MYOF: variants seen among roughly 807,000 people sequenced by gnomAD.
MYOF encodes myoferlin.
A neutral mutation model predicts 284.2 loss-of-function variants in MYOF; 244 were observed. The observed-to-expected ratio is 0.86, with a 90% CI of 0.77 to 0.95. The LOEUF is 0.95. Ranked by LOEUF, MYOF falls within the 40% of genes least tolerant of loss-of-function variation. The pLI is 0.00. For synonymous variants in MYOF, 904 were observed against 919.7 expected (o/e 0.98, Z 0.31); for missense variants, 2,496 against 2,560.6 (o/e 0.97, Z 0.54).
At chr10:93,408,485 C>T (rs1282597453) in intron 7 of MYOF, among the ~76,000 whole-genome samples, 3 of 150,588 alleles carry the variant, frequency 2.0e-5, no homozygotes, top group African/African-American at 4.9e-5. Flanking sequence ...TGCAGTGAGC[C>T]GAGATCACGC....
intron 48 of MYOF, among the ~76,000 whole-genome samples, chr10:93,321,002 G>T (rs1375076211): frequency 7.9e-5 from 12 of 152,122 alleles, no homozygotes; most frequent in African/African-American, 2.9e-4. Context: ...AGACAGAAAA[G>T]ATTATGGTTT....
At chr10:93,376,995 G>A (rs184458043) in intron 22 of MYOF, among the ~76,000 whole-genome samples, 99 of 152,258 alleles carry the variant, frequency 6.5e-4, no homozygotes, top group African/African-American at 2.2e-3. Context: ...CAGGGTGGGG[G>A]TCATTCTTGG....
chr10:93,478,590 G>A (rs1034122605), intron 1 of MYOF, among the ~76,000 whole-genome samples: 4 of 151,764 alleles, frequency 2.6e-5, no homozygotes, highest in African/African-American at 9.7e-5. Flanking sequence ...CAATACTTTG[G>A]GAGGCCAAGC....
chr10:93,339,633 T>C (rs546976160), intron 39 of MYOF, among the ~76,000 whole-genome samples: 24 of 151,970 alleles, frequency 1.6e-4, no homozygotes, highest in African/African-American at 5.5e-4. Flanking sequence ...CCACGCCTGG[T>C]GAATGTTTGT....
intron 53 of MYOF, among the ~76,000 whole-genome samples, chr10:93,308,807 G>T (rs1332168349): frequency 1.3e-5 from 2 of 151,862 alleles, no homozygotes; most frequent in Non-Finnish European, 2.9e-5. Context: ...CGCCTCCCAG[G>T]TTCAAGCAAT....
chr10:93,429,264 C>G (rs903810836), intron 4 of MYOF, among the ~76,000 whole-genome samples: 1 of 152,172 alleles, frequency 6.6e-6, no homozygotes, highest in Non-Finnish European at 1.5e-5. Context: ...CACCTTCCCC[C>G]ACGAGTAAAA....
At chr10:93,445,501 G>C (rs150990624) in intron 3 of MYOF, among the ~76,000 whole-genome samples, 17 of 152,318 alleles carry the variant, frequency 1.1e-4, no homozygotes, top group Non-Finnish European at 1.9e-4. Flanking sequence ...TGTTCCTTAT[G>C]TGACCAAGAG....
intron 3 of MYOF, among the ~76,000 whole-genome samples, chr10:93,437,997 AGT>A (rs1849205290): frequency 6.6e-6 from 1 of 152,164 alleles, no homozygotes; most frequent in Admixed American, 6.5e-5. Context: ...TATGAAATCC[AGT>A]GTTAGCAGAG....
At chr10:93,426,655 G>A (rs111487052) in intron 4 of MYOF, among the ~76,000 whole-genome samples, 3 of 152,254 alleles carry the variant, frequency 2.0e-5, no homozygotes, top group African/African-American at 7.2e-5. Flanking sequence ...TTGGGAGGCC[G>A]AAGCGGGTGG....
At chr10:93,367,467 A>G (rs1014604360) in intron 25 of MYOF, among the ~76,000 whole-genome samples, 3 of 152,218 alleles carry the variant, frequency 2.0e-5, no homozygotes, top group Non-Finnish European at 4.4e-5. Flanking sequence ...AGAGGACACA[A>G]TGGTGCTTAT....
At chr10:93,342,007 A>C (rs979556830) in intron 38 of MYOF, 1 of 1,270,198 alleles carries the variant, frequency 7.9e-7, no homozygotes, top group South Asian at 1.2e-5. Flanking sequence ...GGCCATGTAC[A>C]CATGTCCATG....
At position 93,409,630 on chromosome 10, in the gene MYOF, C is replaced by G; in HGVS notation, c.543G>C (p.Arg181Ser). The part of the protein sequence containing the change: ...GTVSEAQLAR[R>S]LTKVKNSRRM... The stretch of plus-strand genomic sequence containing the variant: ...GCCGGCTGTTCTTTACTTTGGTGAG[C>G]CTCCGAGCAAGCTGAGCTTCCGACA... Residue 181 changes from arginine (R) to serine (S), a missense_variant, in exon 6 of 54, where the codon AGG (arginine) becomes AGC (serine). This residue lies in a region of MYOF where 2,436 missense variants were observed against 2,480.7 expected (regional missense o/e 0.98). Transcript: ENST00000359263. 2 of 1,614,186 alleles carry G rather than the reference C, an allele frequency of 1.2e-6. No homozygotes were observed. Among genetic ancestry groups the G allele is most frequent in the African/African-American group, 2.7e-5 (2 of 75,054 alleles).
At position 93,329,794 on chromosome 10, in the gene MYOF, G is replaced by A; in HGVS notation, c.4852C>T (p.Leu1618=). The change falls in exon 44 of 54, where the codon CTG becomes TTG. Residue 1618 remains leucine, a synonymous_variant. Transcript: ENST00000359263. ...LSCYLPQEKD[L]KISVYDYDTF... is the part of the protein sequence containing the mutation. ...TCATAATCATAGACAGAAATTTTCA[G>A]GTCTTTTTCTTGAGGTAAGTAGCAG... 6.2e-7 allele frequency: 1 copy of A among 1,614,162 alleles called. No individual in the cohort carries two copies. The highest frequency in any genetic ancestry group is 8.5e-7 in the Non-Finnish European group (1 of 1,180,030).
rs370241647 is a variant in MYOF, at chr10:93,397,383, C to T, written c.1290+5G>A. On this transcript the variant is annotated splice_donor_5th_base_variant and intron_variant, in intron 14 of 53. Coordinates refer to ENST00000359263, the MANE Select transcript of MYOF (RefSeq NM_013451.4). ...TACTTTTTCAGAAAGAAAATAAAGT[C>T]AAACCTTGATCTGAAGATTGACGAC... is the stretch of plus-strand genomic sequence containing the variant. 6.2e-6 allele frequency: 10 copies of T among 1,610,076 alleles called. No individual in the cohort carries two copies. The highest frequency in any genetic ancestry group is 1.3e-5 in the African/African-American group (1 of 74,492).
intron 37 of MYOF, among the ~76,000 whole-genome samples, chr10:93,345,106 C>A (rs533504209): frequency 1.3e-5 from 2 of 152,248 alleles, no homozygotes; most frequent in Admixed American, 1.3e-4. Context: ...ACAAACTCTG[C>A]CAAGCCAACA....
In MYOF at chr10:93,315,047, T is replaced by TGC. The variant is rs1296027464; in HGVS notation, c.5698+1666_5698+1667insGC. On this transcript the variant is annotated intron_variant, in intron 50 of 53. Transcript: ENST00000359263. ...GCCTGGGTGAGAGAGTGAGACTCTG[T>TGC]CTCAACAAACAAAGCCAAGGGCAAA... Among the ~76,000 whole-genome samples, 575 of 152,300 alleles carry TGC rather than the reference T, an allele frequency of 3.8e-3. 2 individuals are homozygous for TGC. The highest frequency in any genetic ancestry group is 0.013 in the African/African-American group (544 of 41,562).
chr10:93,477,759 A>C (rs1001222388), intron 1 of MYOF, among the ~76,000 whole-genome samples: 3 of 152,072 alleles, frequency 2.0e-5, no homozygotes, highest in Non-Finnish European at 4.4e-5. Context: ...AGGCAGGAGA[A>C]TCGCTTGAAC....
rs745856891 is a variant in MYOF, at chr10:93,306,988, A to G, written c.6161T>C (p.Met2054Thr). 6.2e-7 allele frequency: 1 copy of G among 1,613,168 alleles called. No individual in the cohort carries two copies. The highest frequency in any genetic ancestry group is 8.5e-7 in the Non-Finnish European group (1 of 1,179,344). ...LLYSLPNYLS[M>T]KIVKPNV is the part of the protein sequence containing the mutation. ...TTACACATTTGGCTTTACAATCTTC[A>G]TTGACAAATAGTTCTGGAAAGGAAA... The change falls in exon 54 of 54, where the codon ATG (methionine) becomes ACG (threonine). Residue 2054 changes from methionine to threonine, a missense_variant. Physicochemically the swap from Met to Thr is moderately conservative, Grantham distance 81. This residue lies in a region of MYOF where 2,436 missense variants were observed against 2,480.7 expected (regional missense o/e 0.98). Transcript: ENST00000359263.
intron 13 of MYOF, among the ~76,000 whole-genome samples, chr10:93,398,175 G>A (rs915870361): frequency 3.9e-5 from 6 of 151,932 alleles, no homozygotes; most frequent in African/African-American, 1.4e-4. Flanking sequence ...TGGCTCTACC[G>A]CAGCCACATG....
Sources: gnomAD v4.1 joint callset for allele counts (sites outside exome capture counted in the v4.1 genomes callset) on GRCh38, gnomAD v4.1.1 for gene constraint, gnomAD v4.1.1 regional missense constraint, MANE v1.5 for transcripts, NCBI Gene and HGNC (gene_info 2026-07-23, HGNC 2026-07-21) for gene names.